The following DHRS4L2 variants were observed in gnomAD, a reference collection of about 807,000 sequenced individuals.
The protein encoded by DHRS4L2 is dehydrogenase/reductase SDR family member 4-like 2.
A neutral mutation model predicts 23.9 loss-of-function variants in DHRS4L2; 22 were observed. The observed-to-expected ratio is 0.92, with a 90% confidence interval of 0.66 to 1.31. The LOEUF (loss-of-function observed/expected upper bound fraction) is 1.31, where lower values mean the gene tolerates loss of function less well. Ranked by LOEUF, DHRS4L2 falls within the 40% of genes most tolerant of loss-of-function variation. The pLI, the probability that DHRS4L2 is intolerant of heterozygous loss-of-function variation, is 0.00. For missense variants in DHRS4L2, 385 were observed against 303.3 expected, an observed-to-expected ratio of 1.27 and a Z score of -2.00; for synonymous variants, 141 against 123.7, an observed-to-expected ratio of 1.14 and a Z score of -0.93.
In DHRS4L2 at chr14:24,001,385, G is replaced by C. The variant is rs748593900; in HGVS notation, c.533G>C (p.Gly178Ala). 1 of 1,605,948 alleles carries C rather than the reference G, an allele frequency of 6.2e-7. No individual in the cohort carries two copies. The highest frequency in any genetic ancestry group is 8.5e-7 in the Non-Finnish European group (1 of 1,178,780). Residue 178 changes from glycine to alanine, a missense_variant and splice_region_variant, in exon 6 of 8, where the codon GGC becomes GCC. Gly to Ala is a moderately conservative substitution (Grantham distance 60). Transcript: ENST00000335125. ...SSIAAFSPSP[G>A]FSPYNVSKTA... is the part of the protein sequence containing the mutation. ...TAACACATTCTCTTCTTTCTCCAGGGCTTCAGTCCTTACAATGTCAGTAAA... is the reference window on the plus strand; with the variant it reads ...TAACACATTCTCTTCTTTCTCCAGGCCTTCAGTCCTTACAATGTCAGTAAA...
intron 1 of DHRS4L2, among the ~76,000 whole-genome samples, chr14:23,977,060 A>C (rs557570623): frequency 8.2e-4 from 125 of 151,956 alleles, no homozygotes; most frequent in African/African-American, 3.0e-3. Flanking sequence ...CTATGTAAAA[A>C]ACCTGCACGT....
intron 1 of DHRS4L2, among the ~76,000 whole-genome samples, chr14:23,977,774 A>T (rs982155182): frequency 1.3e-5 from 2 of 151,630 alleles, no homozygotes; most frequent in Admixed American, 1.3e-4. Flanking sequence ...CTTGTTGTAT[A>T]TTAATTTCCC....
intron 7 of DHRS4L2, among the ~76,000 whole-genome samples, 176 bp from the exon 8 acceptor site, chr14:24,005,710 A>C (rs2034560125): frequency 6.6e-6 from 1 of 151,992 alleles, no homozygotes; most frequent in Non-Finnish European, 1.5e-5. Context: ...TGCTTATACT[A>C]AATTATAACA....
intron 3 of DHRS4L2, among the ~76,000 whole-genome samples, chr14:23,995,535 T>C (rs1320265966): frequency 2.6e-5 from 4 of 151,876 alleles, no homozygotes; most frequent in Non-Finnish European, 5.9e-5. Flanking sequence ...TTGGGAAATA[T>C]TAAATGCTGC....
At chr14:23,983,040 T>A (rs1047052976) in intron 1 of DHRS4L2, among the ~76,000 whole-genome samples, 1 of 151,472 alleles carries the variant, frequency 6.6e-6, no homozygotes, top group African/African-American at 2.4e-5. Flanking sequence ...TTGGACCTGA[T>A]TAAACTAAAG....
Position 23,995,737 on chromosome 14 carries a change from T to C in DHRS4L2, c.408+604T>C, listed in dbSNP as rs571822632. ...TGTGAAAGTGTATAATTACATTATATTCATAATATATTTCACACACACCCT... is the reference window on the plus strand; with the variant it reads ...TGTGAAAGTGTATAATTACATTATACTCATAATATATTTCACACACACCCT... On this transcript the variant is annotated intron_variant, in intron 3 of 7. Transcript: ENST00000335125. Among the ~76,000 whole-genome samples, 142 of 151,964 alleles carry C rather than the reference T, an allele frequency of 9.3e-4. 2 individuals carry two copies. The highest frequency in any genetic ancestry group is 1.6e-3 in the Admixed American group (25 of 15,278).
chr14:23,995,157 G>C (rs374464242), intron 3 of DHRS4L2, 24 bp downstream of exon 3: 18 of 1,609,218 alleles, frequency 1.1e-5, no homozygotes, highest in African/African-American at 2.7e-5. Flanking sequence ...AAAGAAGCGC[G>C]GAAGGGGGCC....
At position 23,973,005 on chromosome 14, in the gene DHRS4L2, C is replaced by G. The variant is rs193212528; in HGVS notation, c.-176+2673C>G. 4.3e-4 allele frequency among the ~76,000 whole-genome samples: 65 copies of G among 152,058 alleles called. 1 individual carries two copies. The highest frequency in any genetic ancestry group is 1.5e-3 in the African/African-American group (64 of 41,456). On this transcript the variant is annotated intron_variant, in intron 1 of 5. Coordinates refer to the DHRS4L2 transcript ENST00000534993. ...CCTCCCACCATAGGGCAGTTTTTCT[C>G]TCATTTCAGAATTGAACAAATGTAC...
At chr14:23,975,402 T>G (rs1196798372) in intron 1 of DHRS4L2, among the ~76,000 whole-genome samples, 1 of 151,638 alleles carries the variant, frequency 6.6e-6, no homozygotes, top group Non-Finnish European at 1.5e-5. Context: ...CAAGGAAAAC[T>G]ACAAACCACT....
At chr14:23,976,849 C>A (rs1231945860) in intron 1 of DHRS4L2, among the ~76,000 whole-genome samples, 3 of 151,662 alleles carry the variant, frequency 2.0e-5, no homozygotes, top group Non-Finnish European at 4.4e-5. Context: ...CAAAATATCA[C>A]AAGGACAGAA....
chr14:23,994,095 AGAT>A (rs2034326419), intron 2 of DHRS4L2, among the ~76,000 whole-genome samples: 1 of 151,826 alleles, frequency 6.6e-6, no homozygotes, highest in Admixed American at 6.6e-5. Context: ...ACACTGGAAT[AGAT>A]GATCTCAAAG....
intron 3 of DHRS4L2, among the ~76,000 whole-genome samples, chr14:23,999,281 T>G (rs1287548713): frequency 2.2e-5 from 3 of 138,404 alleles, no homozygotes; most frequent in Non-Finnish European, 4.5e-5. Context: ...AGAGACAAAG[T>G]GAGCACATGC....
upstream of DHRS4L2, among the ~76,000 whole-genome samples, chr14:23,988,189 G>A (rs1428776200): frequency 6.6e-6 from 1 of 150,432 alleles, no homozygotes; most frequent in East Asian, 2.0e-4. Context: ...GGGACAGAGT[G>A]GTTAGGGAGA....
At chr14:23,975,404 C>G (rs2033946772) in intron 1 of DHRS4L2, among the ~76,000 whole-genome samples, 1 of 151,696 alleles carries the variant, frequency 6.6e-6, no homozygotes. Context: ...AGGAAAACTA[C>G]AAACCACTGC....
At chr14:24,004,226 G>A (rs2034526369) in intron 6 of DHRS4L2, 111 bp from the exon 7 acceptor site, 26 of 1,326,346 alleles carry the variant, frequency 2.0e-5, no homozygotes, top group South Asian at 3.1e-5. Flanking sequence ...CCAAGATAGC[G>A]CCACTACAGT....
chr14:23,999,057 G>T (rs2034435303), intron 3 of DHRS4L2, among the ~76,000 whole-genome samples: 1 of 149,530 alleles, frequency 6.7e-6, no homozygotes, highest in Admixed American at 6.7e-5. Flanking sequence ...GGAATATGGA[G>T]GTCCACAGAG....
At position 24,006,237 on chromosome 14, in the gene DHRS4L2, A is replaced by T. The variant is rs1367697687; in HGVS notation, c.*374A>T. The stretch of plus-strand genomic sequence containing the variant: ...CTGAGAACACAGGACAGGCCTGCTG[A>T]CAAGGCTGAGTCTACCTTGGCAAAG... On this transcript the variant is annotated 3_prime_UTR_variant, in exon 8 of 8. Coordinates refer to ENST00000335125, the MANE Select transcript of DHRS4L2 (RefSeq NM_198083.4). The T allele has an allele frequency of 1.7e-6, 1 of 576,716 alleles. No homozygotes were observed. The highest frequency in any genetic ancestry group is 4.0e-5 in the East Asian group (1 of 24,706). 35.7% of individuals were successfully genotyped at this position (576,716 alleles called of 1,614,324 possible).
chr14:23,977,797 C>T (rs2033995141), intron 1 of DHRS4L2, among the ~76,000 whole-genome samples: 1 of 151,552 alleles, frequency 6.6e-6, no homozygotes, highest in African/African-American at 2.4e-5. Flanking sequence ...TGTTGTCCTG[C>T]TTTGCTTAGA....
intron 1 of DHRS4L2, among the ~76,000 whole-genome samples, chr14:23,972,426 T>A (rs1203153917): frequency 2.6e-5 from 4 of 151,510 alleles, no homozygotes; most frequent in Admixed American, 2.0e-4. Flanking sequence ...GCCTCAGGAG[T>A]GAAGCTGCAG....
Sources: gnomAD v4.1 joint callset for allele counts (sites outside exome capture counted in the v4.1 genomes callset) on GRCh38, gnomAD v4.1.1 for gene constraint, MANE v1.5 for transcripts, NCBI Gene and HGNC (gene_info 2026-07-23, HGNC 2026-07-21) for gene names.